The following CRY2 variants were observed in gnomAD, a reference collection of about 807,000 sequenced individuals.
CRY2 encodes cryptochrome-2.
In CRY2, 31 loss-of-function variants were observed where a neutral mutation model predicts 69.5. The observed-to-expected ratio is 0.45, with a 90% CI of 0.34 to 0.60. The LOEUF (loss-of-function observed/expected upper bound fraction) is 0.60, where lower values mean the gene tolerates loss of function less well. CRY2 is among the 20% of genes least tolerant of loss of function. The probability of loss-of-function intolerance (pLI) is 0.02; values close to 1 mark genes in which losing one functional copy is unlikely to be tolerated. For synonymous variants in CRY2, 303 were observed against 312.2 expected (o/e 0.97, Z 0.31); for missense variants, 606 against 797.8 (o/e 0.76, Z 2.90).
chr11:45,868,703 A>C (rs1463728108), intron 6 of CRY2, among the ~76,000 whole-genome samples: 1 of 152,206 alleles, frequency 6.6e-6, no homozygotes, highest in Non-Finnish European at 1.5e-5. Context: ...GTATGATCAC[A>C]GCTCACTGCA....
chr11:45,869,551 C>T lies in CRY2; in HGVS notation c.928C>T (p.Leu310=). The change falls in exon 7 of 12, where the codon CTA becomes TTA. Residue 310 remains leucine (L), a synonymous_variant. Coordinates refer to ENST00000616080, the MANE Select transcript of CRY2 (RefSeq NM_021117.5). The part of the protein sequence containing the change: ...TPPLSLFGQL[L]WREFFYTAAT... ...TCCCCTCTCCCTATTTGGGCAACTC[C>T]TATGGCGAGAGTTCTTCTACACGGC... The T allele has an allele frequency of 6.2e-7, 1 of 1,614,202 alleles. No homozygotes were observed. The highest frequency in any genetic ancestry group is 8.5e-7 in the Non-Finnish European group (1 of 1,180,038).
chr11:45,856,177 G>C, intron 2 of CRY2, 87 bp downstream of exon 2: 3 of 1,129,128 alleles, frequency 2.7e-6, no homozygotes, highest in Non-Finnish European at 1.3e-6. Context: ...TTCCGACTGA[G>C]GGAATGGAAA....
At chr11:45,858,616 G>C in intron 2 of CRY2, 115 bp from the exon 3 acceptor site, 2 of 1,140,770 alleles carry the variant, frequency 1.8e-6, no homozygotes, top group East Asian at 5.3e-5. Flanking sequence ...TTTTTCTGCT[G>C]CCCATCAGAT....
rs780740565 is a variant in CRY2, at chr11:45,869,586, C to T, written c.963C>T (p.Asn321=). Residue 321 remains asparagine, a synonymous_variant, in exon 7 of 12, where the codon AAC becomes AAT. Coordinates refer to ENST00000616080, the MANE Select transcript of CRY2 (RefSeq NM_021117.5). ...WREFFYTAAT[N]NPRFDRMEGN... Reference sequence around the variant, plus strand: ...AGTTCTTCTACACGGCAGCTACCAACAACCCCAGGTTTGACCGCATGGAGG... The same window carrying T: ...AGTTCTTCTACACGGCAGCTACCAATAACCCCAGGTTTGACCGCATGGAGG... 1 of 1,614,274 alleles carries T rather than the reference C, an allele frequency of 6.2e-7. No individual in the cohort carries two copies. The highest frequency in any genetic ancestry group is 8.5e-7 in the Non-Finnish European group (1 of 1,180,050).
In CRY2 at chr11:45,869,613, G is replaced by T. The variant is rs1378365193; in HGVS notation, c.990G>T (p.Gly330=). 2.5e-6 allele frequency: 4 copies of T among 1,614,130 alleles called. No homozygotes were observed. Among genetic ancestry groups the T allele is most frequent in the Non-Finnish European group, 3.4e-6 (4 of 1,180,052 alleles). Residue 330 remains glycine, a synonymous_variant, in exon 7 of 12, where the codon GGG becomes GGT. Coordinates refer to ENST00000616080, the MANE Select transcript of CRY2 (RefSeq NM_021117.5). The part of the protein sequence containing the change: ...TNNPRFDRME[G]NPICIQIPWD... ...ACCCCAGGTTTGACCGCATGGAGGGGAACCCCATCTGCATCCAGATCCCCT... is the reference window on the plus strand; with the variant it reads ...ACCCCAGGTTTGACCGCATGGAGGGTAACCCCATCTGCATCCAGATCCCCT...
At chr11:45,878,434 A>G (rs1440115829) in intron 11 of CRY2, among the ~76,000 whole-genome samples, 2 of 152,226 alleles carry the variant, frequency 1.3e-5, no homozygotes, top group Admixed American at 1.3e-4. Flanking sequence ...TCTATTTCAG[A>G]AGAATAGCCA....
At chr11:45,865,256 G>A (rs575084228) in intron 5 of CRY2, among the ~76,000 whole-genome samples, 13 of 152,308 alleles carry the variant, frequency 8.5e-5, no homozygotes, top group Non-Finnish European at 1.5e-4. Context: ...AGCTGAGGTA[G>A]GGGTTGCATA....
intron 5 of CRY2, among the ~76,000 whole-genome samples, chr11:45,865,213 C>T (rs1203557206): frequency 6.6e-6 from 1 of 151,286 alleles, no homozygotes; most frequent in Non-Finnish European, 1.5e-5. Flanking sequence ...AAAATGTAAA[C>T]ATTTCAGAAA....
chr11:45,864,321 CATATT>C (rs1336261868), intron 5 of CRY2, among the ~76,000 whole-genome samples: 1 of 152,102 alleles, frequency 6.6e-6, no homozygotes, highest in African/African-American at 2.4e-5. Flanking sequence ...AATTAAATAA[CATATT>C]AAAGTTTTTT....
intron 5 of CRY2, among the ~76,000 whole-genome samples, chr11:45,863,225 C>G (rs1401155205): frequency 6.6e-6 from 1 of 152,126 alleles, no homozygotes; most frequent in African/African-American, 2.4e-5. Context: ...TTCTTGGGCC[C>G]AGTTTGAAGA....
At chr11:45,864,647 C>T (rs2086315113) in intron 5 of CRY2, among the ~76,000 whole-genome samples, 2 of 152,004 alleles carry the variant, frequency 1.3e-5, no homozygotes, top group East Asian at 3.9e-4. Flanking sequence ...GCAGGTGGAG[C>T]ACTTGAAGTC....
intron 1 of CRY2, among the ~76,000 whole-genome samples, chr11:45,850,448 A>G (rs1413822082): frequency 1.3e-5 from 2 of 152,216 alleles, no homozygotes; most frequent in Non-Finnish European, 2.9e-5. Flanking sequence ...TGGCATTCAG[A>G]AGAAAGAGAT....
At chr11:45,858,688 T>C in intron 2 of CRY2, 43 bp from the exon 3 acceptor site, 1 of 1,579,946 alleles carries the variant, frequency 6.3e-7, no homozygotes, top group Non-Finnish European at 8.6e-7. Context: ...TTCCCCCTCC[T>C]CCCCAAACAC....
chr11:45,875,763 C>T (rs1266252525), intron 11 of CRY2, among the ~76,000 whole-genome samples: 1 of 152,154 alleles, frequency 6.6e-6, no homozygotes, highest in Non-Finnish European at 1.5e-5. Flanking sequence ...AAGAGTACAC[C>T]ATGTCTCACC....
At position 45,847,595 on chromosome 11, in the gene CRY2, C is replaced by A; in HGVS notation, c.105C>A (p.His35Gln). Residue 35 changes from histidine to glutamine, a missense_variant, in exon 1 of 12, where the codon CAC (histidine) becomes CAA (glutamine). His to Gln is a conservative substitution (Grantham distance 24). Around this residue, in one of 5 missense-constraint regions of CRY2, gnomAD observed 3 missense variants for 18.8 expected, o/e 0.16. Coordinates refer to ENST00000616080, the MANE Select transcript of CRY2 (RefSeq NM_021117.5). ...VHWFRKGLRL[H>Q]DNPALLAAVR... Reference sequence around the variant, plus strand: ...GGTTCCGCAAAGGGCTGCGACTCCACGACAACCCGGCGTTGCTGGCGGCCG... The same window carrying A: ...GGTTCCGCAAAGGGCTGCGACTCCAAGACAACCCGGCGTTGCTGGCGGCCG... 6.2e-7 allele frequency: 1 copy of A among 1,605,462 alleles called. No individual in the cohort carries two copies. The highest frequency in any genetic ancestry group is 8.5e-7 in the Non-Finnish European group (1 of 1,177,180).
At chr11:45,855,913 C>G (rs1323332352) in intron 1 of CRY2, 69 bp from the exon 2 acceptor site, 1 of 1,359,284 alleles carries the variant, frequency 7.4e-7, no homozygotes. Context: ...CAGTTTCTCC[C>G]TGCTTTGTTA....
At chr11:45,860,405 A>T (rs1014905225) in intron 3 of CRY2, among the ~76,000 whole-genome samples, 49 of 151,774 alleles carry the variant, frequency 3.2e-4, no homozygotes, top group Non-Finnish European at 5.6e-4. Context: ...AAAAAAAAAA[A>T]ACATGTCTTC....
chr11:45,847,800 C>A, intron 1 of CRY2, 95 bp downstream of exon 1: 1 of 1,416,716 alleles, frequency 7.1e-7, no homozygotes, highest in Non-Finnish European at 9.4e-7. Flanking sequence ...CCCGCCACGG[C>A]TGGAAGGCCA....
At chr11:45,873,915 T>G (rs2086406062) in intron 11 of CRY2, among the ~76,000 whole-genome samples, 1 of 152,202 alleles carries the variant, frequency 6.6e-6, no homozygotes, top group Admixed American at 6.5e-5. Context: ...TATGTGATCT[T>G]GTACAAATGA....
Sources: gnomAD v4.1 joint callset for allele counts (sites outside exome capture counted in the v4.1 genomes callset) on GRCh38, gnomAD v4.1.1 for gene constraint, gnomAD v4.1.1 regional missense constraint, MANE v1.5 for transcripts, NCBI Gene and HGNC (gene_info 2026-07-23, HGNC 2026-07-21) for gene names.